The following LRRIQ3 variants were observed in gnomAD, a reference collection of about 807,000 sequenced individuals.
LRRIQ3 encodes leucine-rich repeat and IQ domain-containing protein 3.
A neutral mutation model predicts 59.3 loss-of-function variants in LRRIQ3; 75 were observed. The observed-to-expected ratio is 1.26, with a 90% CI of 1.05 to 1.53. The LOEUF is 1.53. Among genes scored for constraint, LRRIQ3 ranks in the 40% most tolerant of loss-of-function variants. The pLI, the probability that LRRIQ3 is intolerant of heterozygous loss-of-function variation, is 0.00. For synonymous variants in LRRIQ3, 250 were observed against 231.3 expected, an observed-to-expected ratio of 1.08 and a Z score of -0.73; for missense variants, 831 against 710.0, an observed-to-expected ratio of 1.17 and a Z score of -1.94.
chr1:74,101,354 A>G (rs946243543), intron 5 of LRRIQ3, among the ~76,000 whole-genome samples: 1 of 152,202 alleles, frequency 6.6e-6, no homozygotes, highest in Non-Finnish European at 1.5e-5. Context: ...AAAAACCACA[A>G]TGAGATATCA....
intron 4 of LRRIQ3, among the ~76,000 whole-genome samples, chr1:74,109,950 C>G (rs1461763329): frequency 6.6e-6 from 1 of 151,404 alleles, no homozygotes; most frequent in African/African-American, 2.4e-5. Context: ...TACTATATCA[C>G]AAAAATTATA....
rs573223041 is a variant in LRRIQ3, at chr1:74,136,679, G to A, written c.707+19054C>T. Among the ~76,000 whole-genome samples, 58 of 151,870 alleles carry A rather than the reference G, an allele frequency of 3.8e-4. No individual in the cohort carries two copies. The South Asian group carries it at 0.011, about 30-fold the overall frequency. ...CCATTCAAAATTTTTCTATTACTTTGGTTATTCCAGTCAATTTCTCAGAGG... is the reference window on the plus strand; with the variant it reads ...CCATTCAAAATTTTTCTATTACTTTAGTTATTCCAGTCAATTTCTCAGAGG... On this transcript the variant is annotated intron_variant, in intron 4 of 7. Coordinates refer to ENST00000354431, the MANE Select transcript of LRRIQ3 (RefSeq NM_001105659.2).
At chr1:74,082,123 GTTA>G (rs1294018006) in intron 5 of LRRIQ3, 2 of 151,228 alleles carry the variant, frequency 1.3e-5, no homozygotes, top group Non-Finnish European at 3.0e-5. Context: ...TAGGCACAAA[GTTA>G]TTATTAGTAA....
intron 4 of LRRIQ3, chr1:74,138,607 G>T: frequency 2.3e-6 from 1 of 431,256 alleles, no homozygotes; most frequent in Non-Finnish European, 3.1e-6. Flanking sequence ...TCTTATGGCT[G>T]CTTTCAAGAA....
chr1:74,188,513 G>C (rs1650554609), intron 1 of LRRIQ3, among the ~76,000 whole-genome samples: 1 of 152,132 alleles, frequency 6.6e-6, no homozygotes, highest in Admixed American at 6.6e-5. Flanking sequence ...TTCTCTCTCA[G>C]TGTAACCTTC....
chr1:74,185,955 A>G (rs1039767036), intron 1 of LRRIQ3, among the ~76,000 whole-genome samples: 3 of 151,770 alleles, frequency 2.0e-5, no homozygotes, highest in Non-Finnish European at 2.9e-5. Flanking sequence ...TCAACATGGA[A>G]CCTCAGAGAT....
At chr1:74,192,815 T>C (rs541007186) in intron 1 of LRRIQ3, among the ~76,000 whole-genome samples, 1 of 152,324 alleles carries the variant, frequency 6.6e-6, no homozygotes, top group East Asian at 1.9e-4. Context: ...GTTATTTATA[T>C]TATTCAGCTA....
At chr1:74,190,489 G>GA (rs889624695) in intron 1 of LRRIQ3, among the ~76,000 whole-genome samples, 20 of 151,180 alleles carry the variant, frequency 1.3e-4, no homozygotes, top group African/African-American at 4.6e-4. Context: ...AAAAAAGACT[G>GA]AAAAAAAACA....
chr1:74,034,626 GCACACACAGACA>G, intron 7 of LRRIQ3, among the ~76,000 whole-genome samples: 1 of 83,690 alleles, frequency 1.2e-5, no homozygotes, highest in African/African-American at 3.6e-5. Context: ...TATTTCCAAA[GCACACACAGACA>G]CACACACACA....
chr1:74,093,224 T>G (rs1646412968), intron 5 of LRRIQ3, among the ~76,000 whole-genome samples: 1 of 151,822 alleles, frequency 6.6e-6, no homozygotes, highest in South Asian at 2.1e-4. Flanking sequence ...ACTCCAACAC[T>G]CAGGAGGAAC....
chr1:74,127,126 A>G (rs1388385820), intron 4 of LRRIQ3, among the ~76,000 whole-genome samples: 1 of 151,818 alleles, frequency 6.6e-6, no homozygotes, highest in Non-Finnish European at 1.5e-5. Context: ...CTCCGTTTAT[A>G]GTTTTTGTAT....
At chr1:74,064,770 C>T (rs1247026697) in intron 6 of LRRIQ3, among the ~76,000 whole-genome samples, 1 of 151,946 alleles carries the variant, frequency 6.6e-6, no homozygotes, top group East Asian at 1.9e-4. Context: ...CCTCTGGCCT[C>T]ATTATATCTG....
intron 5 of LRRIQ3, among the ~76,000 whole-genome samples, chr1:74,087,264 C>T (rs1443062531): frequency 1.3e-5 from 2 of 151,630 alleles, no homozygotes; most frequent in African/African-American, 4.8e-5. Context: ...AGATAATTTC[C>T]TTTCCATTAA....
chr1:74,098,353 A>G (rs188047937), intron 5 of LRRIQ3, among the ~76,000 whole-genome samples: 1 of 152,340 alleles, frequency 6.6e-6, no homozygotes, highest in Admixed American at 6.5e-5. Flanking sequence ...AGAAGAGCTA[A>G]CTATCCTAAA....
At chr1:74,184,862 T>C (rs1418653834) in intron 1 of LRRIQ3, among the ~76,000 whole-genome samples, 2 of 152,190 alleles carry the variant, frequency 1.3e-5, no homozygotes, top group African/African-American at 4.8e-5. Flanking sequence ...GAAGCTCTAT[T>C]GGTGCTGGGA....
chr1:74,149,753 C>G (rs1647807479), intron 4 of LRRIQ3, among the ~76,000 whole-genome samples: 1 of 152,074 alleles, frequency 6.6e-6, no homozygotes. Flanking sequence ...TGCTTAGATT[C>G]TTGATATTCT....
intron 4 of LRRIQ3, among the ~76,000 whole-genome samples, chr1:74,149,941 A>G (rs1557641015): frequency 6.6e-6 from 1 of 152,176 alleles, no homozygotes; most frequent in South Asian, 2.1e-4. Context: ...AAAAGACCCT[A>G]TTTCTTAGCT....
intron 4 of LRRIQ3, among the ~76,000 whole-genome samples, chr1:74,127,618 C>T (rs769113433): frequency 4.0e-5 from 6 of 151,792 alleles, no homozygotes; most frequent in Non-Finnish European, 7.4e-5. Context: ...CACTGGACTT[C>T]ATCCTTCTGC....
At chr1:74,059,460 T>A (rs934154126) in intron 6 of LRRIQ3, among the ~76,000 whole-genome samples, 11 of 152,166 alleles carry the variant, frequency 7.2e-5, no homozygotes, top group South Asian at 2.1e-4. Context: ...TGAATGTAGA[T>A]ATATAGTTGT....
Sources: gnomAD v4.1 joint callset for allele counts (sites outside exome capture counted in the v4.1 genomes callset) on GRCh38, gnomAD v4.1.1 for gene constraint, MANE v1.5 for transcripts, NCBI Gene and HGNC (gene_info 2026-07-23, HGNC 2026-07-21) for gene names.